The following KCNIP4 variants were observed in gnomAD, a reference collection of about 807,000 sequenced individuals.
KCNIP4 encodes the protein Kv channel-interacting protein 4.
In KCNIP4, 12 loss-of-function variants were observed where a neutral mutation model predicts 34.0. The ratio of observed to expected loss-of-function variants is 0.35; its 90% CI spans 0.23 to 0.57. The LOEUF (loss-of-function observed/expected upper bound fraction) is 0.57, where lower values mean the gene tolerates loss of function less well. Ranked by LOEUF, KCNIP4 falls within the 20% of genes least tolerant of loss-of-function variation. The probability of loss-of-function intolerance (pLI) is 0.83; values close to 1 mark genes in which losing one functional copy is unlikely to be tolerated. For missense variants in KCNIP4, 238 were observed against 311.7 expected (o/e 0.76, Z 1.78); for synonymous variants, 124 against 102.2 (o/e 1.21, Z -1.29).
At chr4:21,464,981 A>G (rs1398287899) in intron 1 of KCNIP4, among the ~76,000 whole-genome samples, 1 of 152,146 alleles carries the variant, frequency 6.6e-6, no homozygotes, top group Admixed American at 6.6e-5. Flanking sequence ...ACATGAAGTC[A>G]CCAAATATTC....
intron 1 of KCNIP4, among the ~76,000 whole-genome samples, chr4:21,769,114 T>C (rs1451690226): frequency 6.6e-6 from 1 of 152,006 alleles, no homozygotes; most frequent in African/African-American, 2.4e-5. Flanking sequence ...TCTATACGAA[T>C]TCACACTCCT....
At chr4:20,959,272 C>A (rs373184045) in intron 1 of KCNIP4, among the ~76,000 whole-genome samples, 2 of 152,156 alleles carry the variant, frequency 1.3e-5, no homozygotes, top group African/African-American at 4.8e-5. Flanking sequence ...TTGCCTTTAG[C>A]AGCACGTGTT....
rs201352314 is a variant in KCNIP4, at chr4:20,882,597, A to G, written c.163+11T>C. On this transcript the variant is annotated intron_variant, in intron 2 of 8. Transcript: ENST00000382152. ...TTCGGAGGAAAAAAAAAAACAAAAA[A>G]ACAAACTTGCTTTGAATAGCAGGAG... 357 of 1,606,154 alleles carry G rather than the reference A, an allele frequency of 2.2e-4. 1 individual carries two copies. In the African/African-American group the frequency reaches 4.5e-3, roughly 20 times the overall value.
intron 1 of KCNIP4, among the ~76,000 whole-genome samples, chr4:21,725,249 C>A (rs1412952695): frequency 3.3e-5 from 5 of 151,104 alleles, no homozygotes; most frequent in Non-Finnish European, 7.4e-5. Flanking sequence ...ACAAAAAAAT[C>A]CCCAGCTCCC....
intron 1 of KCNIP4, among the ~76,000 whole-genome samples, chr4:21,234,292 T>TAA (rs1491461336): frequency 1.0e-5 from 1 of 99,602 alleles, no homozygotes; most frequent in Non-Finnish European, 1.8e-5. Context: ...ATAACATATA[T>TAA]TATATATAAC....
intron 2 of KCNIP4, among the ~76,000 whole-genome samples, chr4:20,868,456 G>A (rs1164242442): frequency 1.3e-5 from 2 of 151,946 alleles, no homozygotes; most frequent in African/African-American, 4.8e-5. Context: ...TTAAAACAGG[G>A]CTACCATTTG....
chr4:21,616,878 T>A (rs1744645718), intron 1 of KCNIP4, among the ~76,000 whole-genome samples: 1 of 152,236 alleles, frequency 6.6e-6, no homozygotes. Flanking sequence ...TATTTATAAA[T>A]AAGATTACAT....
rs529997399 is a variant in KCNIP4 at position 20,737,731 on chromosome 4, C to A, written c.430-2996G>T. On this transcript the variant is annotated intron_variant, in intron 5 of 8. Coordinates refer to ENST00000382152, the MANE Select transcript of KCNIP4 (RefSeq NM_025221.6). ...GACATGCAAATTAGAGAAAGGGAGA[C>A]CTCCCTCAAATTATTTCCCTGCCAT... 2.0e-5 allele frequency among the ~76,000 whole-genome samples: 3 copies of A among 152,296 alleles called. No individual in the cohort carries two copies. In the South Asian group the frequency reaches 6.2e-4, roughly 32 times the overall value.
Position 21,709,904 on chromosome 4 carries a change from G to A in KCNIP4, c.61+238667C>T, listed in dbSNP as rs540692875. On this transcript the variant is annotated intron_variant, in intron 1 of 8. Coordinates refer to ENST00000382152, the MANE Select transcript of KCNIP4 (RefSeq NM_025221.6). ...TAATGCCATAGGCCAAATGCCAAAA[G>A]AGAAGCACATATCCTAGTCCAACAG... Among the ~76,000 whole-genome samples the A allele has an allele frequency of 2.6e-5, 4 of 152,278 alleles. No homozygotes were observed. In the East Asian group the frequency reaches 7.7e-4, roughly 29 times the overall value.
chr4:20,861,514 C>T (rs1157139672), intron 2 of KCNIP4, among the ~76,000 whole-genome samples: 3 of 152,160 alleles, frequency 2.0e-5, no homozygotes, highest in African/African-American at 4.8e-5. Context: ...ACACGTATTT[C>T]TGCAACCCTG....
intron 1 of KCNIP4, among the ~76,000 whole-genome samples, chr4:21,941,545 T>C (rs961161898): frequency 4.0e-5 from 6 of 150,848 alleles, no homozygotes; most frequent in African/African-American, 1.5e-4. Flanking sequence ...CATGAGCAGA[T>C]GTTGTCTGAA....
rs140433795 is a variant in KCNIP4, at chr4:20,775,821, T to C, written c.289-16931A>G. ...TGAAAGTGCTAATAAGTCTCCATTA[T>C]ATTATCTTAGGGGCTAAGTATCCTT... is the stretch of plus-strand genomic sequence containing the variant. On this transcript the variant is annotated intron_variant, in intron 3 of 8. Transcript: ENST00000382152. Among the ~76,000 whole-genome samples, 387 of 152,316 alleles carry C rather than the reference T, an allele frequency of 2.5e-3. 1 individual carries two copies. Among genetic ancestry groups the C allele is most frequent in the Middle Eastern group, 6.8e-3 (2 of 294 alleles).
intron 1 of KCNIP4, among the ~76,000 whole-genome samples, chr4:21,154,596 A>G (rs1341787294): frequency 6.6e-6 from 1 of 152,226 alleles, no homozygotes; most frequent in Non-Finnish European, 1.5e-5. Flanking sequence ...CCTATGCAAC[A>G]TCCATCTTTG....
intron 1 of KCNIP4, among the ~76,000 whole-genome samples, chr4:21,681,793 T>C (rs183727552): frequency 2.9e-4 from 44 of 152,148 alleles, no homozygotes; most frequent in Admixed American, 2.9e-3. Context: ...AAGCTTCCAC[T>C]CATGGCAGAA....
At chr4:21,486,623 C>T (rs1731937204) in intron 1 of KCNIP4, among the ~76,000 whole-genome samples, 1 of 152,144 alleles carries the variant, frequency 6.6e-6, no homozygotes, top group Non-Finnish European at 1.5e-5. Context: ...TTTCCTTCCA[C>T]TGTGTCATTT....
intron 1 of KCNIP4, among the ~76,000 whole-genome samples, chr4:21,234,058 CAT>C (rs1205720426): frequency 2.9e-5 from 3 of 104,708 alleles, no homozygotes; most frequent in South Asian, 2.6e-4. Context: ...TAACACATAA[CAT>C]ATATAACATA....
chr4:20,855,398 G>A (rs1721462727), intron 2 of KCNIP4, among the ~76,000 whole-genome samples: 1 of 152,058 alleles, frequency 6.6e-6, no homozygotes, highest in Admixed American at 6.6e-5. Flanking sequence ...CAGAGAGAAG[G>A]GTCTAAGGAT....
At chr4:21,175,411 C>T (rs77070331) in intron 1 of KCNIP4, among the ~76,000 whole-genome samples, 3 of 152,124 alleles carry the variant, frequency 2.0e-5, no homozygotes, top group African/African-American at 7.2e-5. Context: ...GTTCTGACCC[C>T]TATGTCTATT....
chr4:21,488,059 G>T (rs1206818380), intron 1 of KCNIP4, among the ~76,000 whole-genome samples: 1 of 151,958 alleles, frequency 6.6e-6, no homozygotes, highest in Non-Finnish European at 1.5e-5. Flanking sequence ...TTGCTTCTAG[G>T]CCCTCTTAAT....
Sources: allele counts gnomAD v4.1 joint callset (sites outside exome capture counted in the v4.1 genomes callset), GRCh38; gene constraint gnomAD v4.1.1; transcripts MANE v1.5; gene names NCBI Gene and HGNC (gene_info 2026-07-23, HGNC 2026-07-21).